Variants in SERPINB8 observed in about 807,000 individuals in gnomAD.
SERPINB8 encodes the protein serpin B8.
In SERPINB8, 25 loss-of-function variants were observed where a neutral mutation model predicts 35.3. The observed-to-expected ratio is 0.71, with a 90% CI of 0.52 to 0.99. SERPINB8 has a LOEUF of 0.99. SERPINB8 is among the 50% of genes least tolerant of loss of function. SERPINB8 has a pLI of 0.00. For synonymous variants in SERPINB8, 186 were observed against 160.8 expected, an observed-to-expected ratio of 1.16 and a Z score of -1.19; for missense variants, 484 against 446.5, an observed-to-expected ratio of 1.08 and a Z score of -0.76.
rs897542565 is a variant in SERPINB8 at position 63,981,579 on chromosome 18, T to A, written c.307-142T>A. 1.1e-5 allele frequency: 7 copies of A among 638,336 alleles called. No homozygotes were observed. In the African/African-American group the frequency reaches 1.3e-4, roughly 12 times the overall value. 39.5% of individuals were successfully genotyped at this position (638,336 alleles called of 1,614,324 possible). On this transcript the variant is annotated intron_variant, in intron 3 of 6. Transcript: ENST00000397985. ...AGAATAGGTGGCCCATACATTTTTG[T>A]TAATTGCACGCATGCACCTTGAAGT... is the stretch of plus-strand genomic sequence containing the variant.
chr18:63,983,501 C>A, intron 4 of SERPINB8, 78 bp from the exon 5 acceptor site: 1 of 1,397,118 alleles, frequency 7.2e-7, no homozygotes, highest in Non-Finnish European at 1.0e-6. Context: ...CAAGCCTCTG[C>A]CTTATGTGTC....
chr18:63,979,631 A>G (rs531501491), intron 2 of SERPINB8, among the ~76,000 whole-genome samples, 170 bp from the exon 3 acceptor site: 2 of 152,310 alleles, frequency 1.3e-5, no homozygotes, highest in South Asian at 4.1e-4. Context: ...CTGGCCCCAA[A>G]TGTCAATGCT....
chr18:63,985,345 G>T (rs1157254790), intron 6 of SERPINB8, 100 bp downstream of exon 6: 12 of 1,323,218 alleles, frequency 9.1e-6, no homozygotes, highest in South Asian at 1.4e-5. Flanking sequence ...TCCAGTTGGG[G>T]TTATTACAGG....
intron 7 of SERPINB8, among the ~76,000 whole-genome samples, chr18:64,012,478 G>A (rs978998739): frequency 2.0e-5 from 3 of 151,400 alleles, no homozygotes; most frequent in East Asian, 1.9e-4. Flanking sequence ...ACTTTTTCTC[G>A]TAGCTCTTCT....
At chr18:63,991,814 CT>C (rs1486148800), downstream of SERPINB8, among the ~76,000 whole-genome samples, 7 of 152,106 alleles carry the variant, frequency 4.6e-5, no homozygotes, top group Non-Finnish European at 1.0e-4. Flanking sequence ...CATAGGTGCC[CT>C]TTAACAGGTG....
chr18:64,003,519 ATGTGTGTGTGTG>A lies in SERPINB8; in HGVS notation c.71-1272_71-1261del, dbSNP rs61161137. On this transcript the variant is annotated intron_variant, in intron 1 of 1. Transcript: ENST00000493661. ...AACTCCATTGGATATTGAGGGACAAATGTGTGTGTGTGTGTGTGTGTGTGTGTGTGTGTGTGT... is the reference window on the plus strand; with the variant it reads ...AACTCCATTGGATATTGAGGGACAAATGTGTGTGTGTGTGTGTGTGTGTGT... Among the ~76,000 whole-genome samples the A allele has an allele frequency of 5.1e-3, 755 of 147,900 alleles. 3 individuals carry two copies. The highest frequency in any genetic ancestry group is 7.5e-3 in the Non-Finnish European group (504 of 67,048).
At chr18:63,984,508 T>A (rs2050720660) in intron 5 of SERPINB8, among the ~76,000 whole-genome samples, 1 of 152,224 alleles carries the variant, frequency 6.6e-6, no homozygotes, top group Admixed American at 6.5e-5. Flanking sequence ...GTATCAATAG[T>A]TGTTAGCTTG....
intron 7 of SERPINB8, among the ~76,000 whole-genome samples, chr18:64,013,115 G>T (rs2050933242): frequency 6.6e-6 from 1 of 151,602 alleles, no homozygotes; most frequent in Non-Finnish European, 1.5e-5. Context: ...GAGTAATTCT[G>T]GGTTGCCGAT....
At chr18:63,972,732 A>G (rs2050508275) in intron 1 of SERPINB8, among the ~76,000 whole-genome samples, 1 of 151,172 alleles carries the variant, frequency 6.6e-6, no homozygotes, top group South Asian at 2.1e-4. Context: ...GAGTGAGAAC[A>G]TGTGGTGTTT....
intron 4 of SERPINB8, 102 bp downstream of exon 4, chr18:63,981,940 C>A: frequency 1.4e-6 from 1 of 731,374 alleles, no homozygotes; most frequent in Non-Finnish European, 2.3e-6. Flanking sequence ...ACCTGCATAC[C>A]ACAGGCCTGT....
downstream of SERPINB8, among the ~76,000 whole-genome samples, chr18:64,009,965 TA>T (rs2050918485): frequency 3.9e-5 from 6 of 152,086 alleles, no homozygotes; most frequent in Admixed American, 2.6e-4. Context: ...TAAATTACTT[TA>T]AAAATATATC....
rs770780395 is a variant in SERPINB8 at position 63,985,295 on chromosome 18, AT to A, written c.720+53del. The stretch of plus-strand genomic sequence containing the variant: ...GTATCTGTGGAGTCCAGCTGAGCTC[AT>A]TTCTTTATGTTCATCTACCAATTGG... On this transcript the variant is annotated intron_variant, in intron 6 of 6. Transcript: ENST00000397985. 24 of 1,593,422 alleles carry A rather than the reference AT, an allele frequency of 1.5e-5. No individual in the cohort carries two copies. The South Asian group carries it at 2.7e-4, about 18-fold the overall frequency.
chr18:63,973,208 T>C (rs534208305), intron 1 of SERPINB8, among the ~76,000 whole-genome samples: 3 of 152,368 alleles, frequency 2.0e-5, no homozygotes, highest in South Asian at 4.1e-4. Flanking sequence ...TGGTATCTCA[T>C]TGTGGTTTTG....
At chr18:64,003,191 C>T (rs550528959) in intron 1 of SERPINB8, among the ~76,000 whole-genome samples, 1 of 152,282 alleles carries the variant, frequency 6.6e-6, no homozygotes, top group Admixed American at 6.5e-5. Flanking sequence ...TTGTCGAGCC[C>T]CCTTTTACCC....
At chr18:63,974,891 A>G (rs527791483) in intron 1 of SERPINB8, among the ~76,000 whole-genome samples, 46 of 152,204 alleles carry the variant, frequency 3.0e-4, no homozygotes, top group African/African-American at 9.9e-4. Flanking sequence ...CAGGGTAGAT[A>G]TTGATGGGAA....
At chr18:63,978,541 T>C in intron 2 of SERPINB8, 65 bp downstream of exon 2, 1 of 1,570,946 alleles carries the variant, frequency 6.4e-7, no homozygotes. Flanking sequence ...TACAGCTGTC[T>C]TTCTGTACTT....
intron 3 of SERPINB8, among the ~76,000 whole-genome samples, chr18:63,981,127 G>A (rs73484260): frequency 0.027 from 4,123 of 152,304 alleles, 179 homozygotes; most frequent in African/African-American, 0.094. Context: ...ATGTTCACAC[G>A]CATGCACACG....
At chr18:63,972,090 C>G (rs1198770046) in intron 1 of SERPINB8, among the ~76,000 whole-genome samples, 2 of 151,484 alleles carry the variant, frequency 1.3e-5, no homozygotes, top group Non-Finnish European at 2.9e-5. Flanking sequence ...TTATAAAGAA[C>G]AGCAGTACAA....
At chr18:64,003,008 T>G (rs1047087733) in intron 1 of SERPINB8, among the ~76,000 whole-genome samples, 1 of 152,200 alleles carries the variant, frequency 6.6e-6, no homozygotes, top group Non-Finnish European at 1.5e-5. Context: ...CCTGCGTTCT[T>G]GGCCGTCTGA....
Sources: allele counts gnomAD v4.1 joint callset (sites outside exome capture counted in the v4.1 genomes callset), GRCh38; gene constraint gnomAD v4.1.1; transcripts MANE v1.5; gene names NCBI Gene and HGNC (gene_info 2026-07-23, HGNC 2026-07-21).